FMNL2: variants seen among roughly 807,000 people sequenced by gnomAD.
FMNL2 encodes formin like 2.
A neutral mutation model predicts 130.2 loss-of-function variants in FMNL2; 51 were observed. That is an observed-to-expected ratio of 0.39 (90% CI 0.31 to 0.49). The LOEUF is 0.49. Ranked by LOEUF, FMNL2 falls within the 20% of genes least tolerant of loss-of-function variation. The pLI, the probability that FMNL2 is intolerant of heterozygous loss-of-function variation, is 0.85. For missense variants in FMNL2, 977 were observed against 1,316.2 expected, an observed-to-expected ratio of 0.74 and a Z score of 3.99; for synonymous variants, 465 against 467.1, an observed-to-expected ratio of 1.00 and a Z score of 0.06.
At chr2:152,366,347 G>C (rs1387176418) in intron 1 of FMNL2, among the ~76,000 whole-genome samples, 6 of 151,386 alleles carry the variant, frequency 4.0e-5, no homozygotes, top group Non-Finnish European at 7.4e-5. Context: ...TAAATGACGA[G>C]TTAATGGGTG....
chr2:152,390,005 T>A (rs1685013344), intron 1 of FMNL2: 1 of 1,564,496 alleles, frequency 6.4e-7, no homozygotes, highest in Non-Finnish European at 8.8e-7. Context: ...AGCTAGAGAT[T>A]GACCAGAAAA....
At chr2:152,490,996 C>T (rs138579540) in intron 1 of FMNL2, among the ~76,000 whole-genome samples, 51 of 152,306 alleles carry the variant, frequency 3.3e-4, no homozygotes, top group African/African-American at 1.1e-3. Context: ...ATTAAGCCCT[C>T]TGTGTCCTAC....
intron 24 of FMNL2, among the ~76,000 whole-genome samples, chr2:152,640,262 T>G (rs1682968569): frequency 6.6e-6 from 1 of 152,204 alleles, no homozygotes; most frequent in Non-Finnish European, 1.5e-5. Context: ...CATGTTTGTG[T>G]AGCATATCCA....
At chr2:152,600,925 A>C (rs1698014478) in intron 9 of FMNL2, among the ~76,000 whole-genome samples, 1 of 152,186 alleles carries the variant, frequency 6.6e-6, no homozygotes, top group African/African-American at 2.4e-5. Context: ...AGCACAGCCA[A>C]GTGCATTCCT....
At chr2:152,517,735 T>G (rs1008981509) in intron 1 of FMNL2, among the ~76,000 whole-genome samples, 3 of 152,232 alleles carry the variant, frequency 2.0e-5, no homozygotes, top group Non-Finnish European at 2.9e-5. Context: ...CCACTGAACT[T>G]TTCAATTCAA....
intron 1 of FMNL2, among the ~76,000 whole-genome samples, chr2:152,377,062 G>A (rs965137181): frequency 6.6e-6 from 1 of 152,330 alleles, no homozygotes. Flanking sequence ...AATCTCTCTC[G>A]AGTTACTGAA....
At chr2:152,494,061 C>T (rs553600475) in intron 1 of FMNL2, among the ~76,000 whole-genome samples, 21 of 152,326 alleles carry the variant, frequency 1.4e-4, no homozygotes, top group African/African-American at 3.8e-4. Flanking sequence ...CCAGCAGCAT[C>T]CCCTGGTGAA....
chr2:152,636,375 T>G, intron 21 of FMNL2, 52 bp from the exon 22 acceptor site: 4 of 1,557,214 alleles, frequency 2.6e-6, no homozygotes, highest in Non-Finnish European at 3.5e-6. Flanking sequence ...AGATTCGCTG[T>G]GGTTGTGACT....
chr2:152,494,968 A>G (rs1691421541), intron 1 of FMNL2, among the ~76,000 whole-genome samples: 1 of 152,244 alleles, frequency 6.6e-6, no homozygotes, highest in Admixed American at 6.5e-5. Flanking sequence ...AACTACTAAC[A>G]CTTGCAACAC....
Position 152,632,017 on chromosome 2 carries a change from A to G in FMNL2, c.2560A>G (p.Thr854Ala). 1.9e-6 allele frequency: 3 copies of G among 1,611,260 alleles called. No homozygotes were observed. Among genetic ancestry groups the G allele is most frequent in the Non-Finnish European group, 2.5e-6 (3 of 1,178,826 alleles). Residue 854 changes from threonine (T) to alanine (A), a missense_variant, in exon 21 of 26, where the codon ACA becomes GCA. Physicochemically the swap from Thr to Ala is moderately conservative, Grantham distance 58. Around this residue, in one of 4 missense-constraint regions of FMNL2, gnomAD observed 689 missense variants for 995.9 expected, o/e 0.69. Transcript: ENST00000288670. ...KLQSLDLLLDTKSTDRKQTLL... is the reference protein window; with the variant it reads ...KLQSLDLLLDAKSTDRKQTLL... Reference sequence around the variant, plus strand: ...TCCCTTTTGTTTTCAGCTCTTAGATACAAAGTCAACAGACAGAAAGCAAAC... The same window carrying G: ...TCCCTTTTGTTTTCAGCTCTTAGATGCAAAGTCAACAGACAGAAAGCAAAC...
chr2:152,335,870 C>G (rs1681385424), intron 1 of FMNL2, 150 bp downstream of exon 1: 1 of 520,178 alleles, frequency 1.9e-6, no homozygotes, highest in Non-Finnish European at 3.3e-6. Context: ...GGCCCCCCAG[C>G]ACTCCTCTTC....
At chr2:152,346,240 C>T (rs1682115885) in intron 1 of FMNL2, among the ~76,000 whole-genome samples, 1 of 152,008 alleles carries the variant, frequency 6.6e-6, no homozygotes, top group Non-Finnish European at 1.5e-5. Context: ...GCCCAAGCTG[C>T]TCTTGAACTC....
At chr2:152,535,484 C>T (rs1348821022) in intron 2 of FMNL2, among the ~76,000 whole-genome samples, 1 of 152,180 alleles carries the variant, frequency 6.6e-6, no homozygotes, top group Non-Finnish European at 1.5e-5. Flanking sequence ...ACAACTATGT[C>T]TGTTGCATCT....
rs1558979273 is a variant in FMNL2 at position 152,578,977 on chromosome 2, T to C, written c.782+13T>C. Reference sequence around the variant, plus strand: ...ACAAGAATCCCAGGTAAGCTGCTTTTGTAGTACGCAAGTCTAAATCTATCT... The same window carrying C: ...ACAAGAATCCCAGGTAAGCTGCTTTCGTAGTACGCAAGTCTAAATCTATCT... On this transcript the variant is annotated intron_variant, in intron 8 of 25. Coordinates refer to ENST00000288670, the MANE Select transcript of FMNL2 (RefSeq NM_052905.4). The C allele has an allele frequency of 6.2e-7, 1 of 1,608,060 alleles. No individual in the cohort carries two copies. The highest frequency in any genetic ancestry group is 2.2e-5 in the East Asian group (1 of 44,830).
intron 1 of FMNL2, among the ~76,000 whole-genome samples, chr2:152,461,045 TG>T (rs1689210258): frequency 6.6e-6 from 1 of 152,174 alleles, no homozygotes; most frequent in African/African-American, 2.4e-5. Context: ...CCCTGGTTCC[TG>T]GTACCAGAAA....
intron 12 of FMNL2, among the ~76,000 whole-genome samples, chr2:152,616,569 TGA>T (rs1340085633): frequency 6.6e-6 from 1 of 152,070 alleles, no homozygotes; most frequent in African/African-American, 2.4e-5. Context: ...TGACCTCAGG[TGA>T]TCCGCCCACC....
intron 1 of FMNL2, 21 bp downstream of exon 1, chr2:152,335,741 G>C (rs762448833): frequency 2.6e-6 from 4 of 1,545,518 alleles, no homozygotes; most frequent in Non-Finnish European, 3.5e-6. Flanking sequence ...GGCGGCGGTC[G>C]GGCGCGGGGA....
intron 21 of FMNL2, among the ~76,000 whole-genome samples, chr2:152,635,699 G>C (rs1051267406): frequency 6.6e-6 from 1 of 152,192 alleles, no homozygotes; most frequent in African/African-American, 2.4e-5. Context: ...AGCTGCTCAG[G>C]AGGCTGTGGG....
intron 8 of FMNL2, among the ~76,000 whole-genome samples, chr2:152,579,905 A>G (rs1283209923): frequency 6.6e-6 from 1 of 152,180 alleles, no homozygotes; most frequent in Non-Finnish European, 1.5e-5. Flanking sequence ...CTTTTCATCC[A>G]ATACCTCTCT....
Sources: gnomAD v4.1 joint callset for allele counts (sites outside exome capture counted in the v4.1 genomes callset) on GRCh38, gnomAD v4.1.1 for gene constraint, gnomAD v4.1.1 regional missense constraint, MANE v1.5 for transcripts, NCBI Gene and HGNC (gene_info 2026-07-23, HGNC 2026-07-21) for gene names.